The following SLAMF6 variants were observed in gnomAD, a reference collection of about 807,000 sequenced individuals.
SLAMF6 encodes SLAM family member 6.
In SLAMF6, 21 loss-of-function variants were observed where a neutral mutation model predicts 38.3. That is an observed-to-expected ratio of 0.55 (90% CI 0.39 to 0.79). The LOEUF (loss-of-function observed/expected upper bound fraction) is 0.79. Ranked by LOEUF, SLAMF6 falls within the 30% of genes least tolerant of loss-of-function variation. SLAMF6 has a pLI of 0.00. For synonymous variants in SLAMF6, 152 were observed against 146.3 expected (o/e 1.04, Z -0.28); for missense variants, 341 against 385.3 (o/e 0.89, Z 0.96).
chr1:160,493,875 G>A (rs1171257285), intron 2 of SLAMF6, among the ~76,000 whole-genome samples: 1 of 152,088 alleles, frequency 6.6e-6, no homozygotes, highest in Non-Finnish European at 1.5e-5. Context: ...AAAGGGCAAG[G>A]AAGTGCCACG....
intron 2 of SLAMF6, among the ~76,000 whole-genome samples, chr1:160,495,842 C>G (rs980998494): frequency 1.3e-5 from 2 of 152,148 alleles, no homozygotes; most frequent in Non-Finnish European, 2.9e-5. Flanking sequence ...ACCATTTTAT[C>G]GGAGTGAAGT....
intron 1 of SLAMF6, among the ~76,000 whole-genome samples, chr1:160,513,444 G>A (rs117311317): frequency 0.013 from 1,915 of 152,230 alleles, 56 homozygotes; most frequent in East Asian, 0.11. Flanking sequence ...CATACTTCAC[G>A]ATATCATCCA....
chr1:160,490,600 C>G lies in SLAMF6; in HGVS notation c.732G>C (p.Leu244=). Residue 244 remains leucine (L), a synonymous_variant, in exon 4 of 8, where the codon CTG becomes CTC. Coordinates refer to ENST00000368057, the MANE Select transcript of SLAMF6 (RefSeq NM_001184714.2). ...CTCTTCTTTTCCTCAAAACAAGTAACAGCAGTATGATGAAACCGAAGACTA... is the reference window on the plus strand; with the variant it reads ...CTCTTCTTTTCCTCAAAACAAGTAAGAGCAGTATGATGAAACCGAAGACTA... ...ICIVFGFIIL[L]LLVLRKRRDS... The G allele has an allele frequency of 6.2e-7, 1 of 1,613,832 alleles. No homozygotes were observed. Among genetic ancestry groups the G allele is most frequent in the South Asian group, 1.1e-5 (1 of 91,008 alleles).
intron 6 of SLAMF6, among the ~76,000 whole-genome samples, chr1:160,488,375 A>C (rs1653082415): frequency 6.6e-6 from 1 of 152,190 alleles, no homozygotes; most frequent in Admixed American, 6.5e-5. Context: ...TTCTAGCTAG[A>C]TCATTGCTTA....
intron 1 of SLAMF6, among the ~76,000 whole-genome samples, chr1:160,505,090 A>C (rs796692713): frequency 1.3e-5 from 2 of 152,330 alleles, no homozygotes; most frequent in African/African-American, 4.8e-5. Context: ...TCAAAACACT[A>C]GTTGACCATA....
chr1:160,508,861 C>T (rs185190218), intron 1 of SLAMF6, among the ~76,000 whole-genome samples: 19 of 152,232 alleles, frequency 1.2e-4, no homozygotes, highest in African/African-American at 4.3e-4. Flanking sequence ...GAAGACACTT[C>T]TCAAAAGAAG....
chr1:160,486,065 A>T lies in SLAMF6; in HGVS notation c.*642T>A, dbSNP rs115992209. 0.017 allele frequency: 2,647 copies of T among 152,590 alleles called. 35 individuals are homozygous for T. Among genetic ancestry groups the T allele is most frequent in the Middle Eastern group, 0.054 (16 of 294 alleles). 9.5% of individuals were successfully genotyped at this position (152,590 alleles called of 1,614,324 possible). The stretch of plus-strand genomic sequence containing the variant: ...CAAATCCAAAAATCCAATATCCAAA[A>T]TGCTCCAAAATCTGAGATTTTGAGC... On this transcript the variant is annotated 3_prime_UTR_variant, in exon 8 of 8. Transcript: ENST00000368057.
chr1:160,506,519 T>C (rs750268795), intron 1 of SLAMF6, among the ~76,000 whole-genome samples: 1 of 152,170 alleles, frequency 6.6e-6, no homozygotes, highest in Non-Finnish European at 1.5e-5. Context: ...TAAGAAATAC[T>C]AAAGGGAATC....
At chr1:160,506,210 A>G (rs763719314) in intron 1 of SLAMF6, among the ~76,000 whole-genome samples, 1 of 152,220 alleles carries the variant, frequency 6.6e-6, no homozygotes, top group Non-Finnish European at 1.5e-5. Context: ...ATCCATAACA[A>G]GACATATTAT....
At position 160,486,276 on chromosome 1, in the gene SLAMF6, A is replaced by T. The variant is rs893027025; in HGVS notation, c.*431T>A. 8.3e-5 allele frequency: 13 copies of T among 156,940 alleles called. No homozygotes were observed. Among genetic ancestry groups the T allele is most frequent in the African/African-American group, 3.1e-4 (13 of 41,510 alleles). The allele number at this position is 156,940 out of a possible 1,614,324, so 9.7% of individuals were successfully genotyped here. A position where few individuals can be genotyped will look rare whatever the true frequency, so the allele number is the denominator to read the frequency against. On this transcript the variant is annotated 3_prime_UTR_variant, in exon 8 of 8. Coordinates refer to ENST00000368057, the MANE Select transcript of SLAMF6 (RefSeq NM_001184714.2). ...CAAGGGATGCTCAACTTGTATCAGG[A>T]TGGGCCCATCCAACTCCAGAGACTA...
chr1:160,514,953 A>G (rs541165006), intron 1 of SLAMF6, among the ~76,000 whole-genome samples: 2 of 152,336 alleles, frequency 1.3e-5, no homozygotes, highest in African/African-American at 4.8e-5. Context: ...GAACTGGAGA[A>G]CCAAGAGCAA....
intron 1 of SLAMF6, among the ~76,000 whole-genome samples, chr1:160,513,617 G>C (rs1654601972): frequency 6.6e-6 from 1 of 152,070 alleles, no homozygotes; most frequent in Non-Finnish European, 1.5e-5. Context: ...AGAGAGAAAG[G>C]CCAAGTCACC....
chr1:160,507,227 A>T (rs1654232609), intron 1 of SLAMF6, among the ~76,000 whole-genome samples: 1 of 152,176 alleles, frequency 6.6e-6, no homozygotes, highest in Non-Finnish European at 1.5e-5. Flanking sequence ...TAACCAAAAG[A>T]GAGTTACAGT....
Position 160,497,591 on chromosome 1 carries a change from A to C in SLAMF6, c.50-1198T>G, listed in dbSNP as rs78918190. 6.0e-3 allele frequency among the ~76,000 whole-genome samples: 911 copies of C among 152,288 alleles called. 6 individuals carry two copies. The highest frequency in any genetic ancestry group is 9.9e-3 in the Non-Finnish European group (675 of 68,024). On this transcript the variant is annotated intron_variant, in intron 1 of 7. Coordinates refer to ENST00000368057, the MANE Select transcript of SLAMF6 (RefSeq NM_001184714.2). ...GGTATATCACACCCAGATAGTGGAC[A>C]TAATAACTAATAGGTAGTTATTCAA...
Position 160,523,124 on chromosome 1 carries a change from C to A in SLAMF6, c.49+20G>T, listed in dbSNP as rs138754545. The A allele has an allele frequency of 2.8e-5, 45 of 1,613,186 alleles. No homozygotes were observed. Among genetic ancestry groups the A allele is most frequent in the South Asian group, 2.2e-5 (2 of 90,974 alleles). ...CCAGGGAGTCACTCAGTGACTACAC[C>A]GATCTGGATTGACATTTACCTGGGC... On this transcript the variant is annotated intron_variant, in intron 1 of 7. Transcript: ENST00000368057.
At chr1:160,512,314 A>G (rs1654512588) in intron 1 of SLAMF6, among the ~76,000 whole-genome samples, 1 of 152,240 alleles carries the variant, frequency 6.6e-6, no homozygotes, top group African/African-American at 2.4e-5. Flanking sequence ...CCCTGTGGGA[A>G]TTTCAGCAAC....
Position 160,486,547 on chromosome 1 carries a change from T to C in SLAMF6, c.*160A>G. ...GTTATCCTTAGGTGTTTGACTCAGG[T>C]AGGCAGGTTTAAGTCCGAAGGACTG... On this transcript the variant is annotated 3_prime_UTR_variant, in exon 8 of 8. Coordinates refer to ENST00000368057, the MANE Select transcript of SLAMF6 (RefSeq NM_001184714.2). The C allele has an allele frequency of 1.5e-6, 1 of 650,976 alleles. No homozygotes were observed. The highest frequency in any genetic ancestry group is 2.8e-5 in the East Asian group (1 of 36,224). The allele number at this position is 650,976 out of a possible 1,614,324, so 40.3% of individuals were successfully genotyped here.
At chr1:160,523,064 A>G in intron 1 of SLAMF6, 80 bp downstream of exon 1, 5 of 1,488,862 alleles carry the variant, frequency 3.4e-6, no homozygotes, top group Non-Finnish European at 4.7e-6. Context: ...AGACAACTGT[A>G]TACAGACGAT....
intron 6 of SLAMF6, 60 bp from the exon 7 acceptor site, chr1:160,487,235 A>T (rs560411278): frequency 9.6e-5 from 135 of 1,403,286 alleles, no homozygotes; most frequent in Non-Finnish European, 1.2e-4. Flanking sequence ...ATGCATAGAT[A>T]TATTCTTAGG....
Sources: allele counts gnomAD v4.1 joint callset (sites outside exome capture counted in the v4.1 genomes callset), GRCh38; gene constraint gnomAD v4.1.1; transcripts MANE v1.5; gene names NCBI Gene and HGNC (gene_info 2026-07-23, HGNC 2026-07-21).